The following PCDHA4 variants were observed in gnomAD, a reference collection of about 807,000 sequenced individuals.
PCDHA4 encodes protocadherin alpha-4.
Under a neutral mutation model 61.4 loss-of-function variants are expected in PCDHA4, and 49 were observed. The observed-to-expected ratio is 0.80, with a 90% CI of 0.63 to 1.01. PCDHA4 has a LOEUF of 1.01. PCDHA4 is among the 50% of genes least tolerant of loss of function. PCDHA4 has a pLI of 0.00. For missense variants in PCDHA4, 1,254 were observed against 1,235.8 expected, an observed-to-expected ratio of 1.01 and a Z score of -0.22; for synonymous variants, 590 against 550.3, an observed-to-expected ratio of 1.07 and a Z score of -1.01.
intron 1 of PCDHA4, among the ~76,000 whole-genome samples, chr5:140,899,497 T>G (rs2067365308): frequency 6.6e-6 from 1 of 152,254 alleles, no homozygotes; most frequent in South Asian, 2.1e-4. Context: ...TTACATTTAT[T>G]GATTTGCATA....
chr5:140,840,808 C>T (rs1554137908), intron 1 of PCDHA4, among the ~76,000 whole-genome samples: 1 of 151,970 alleles, frequency 6.6e-6, no homozygotes, highest in East Asian at 1.9e-4. Context: ...GTAATATATA[C>T]CAGTGTTTCT....
rs2150262609 is a variant in PCDHA4, at chr5:140,836,508, A to T, written c.2385+26936A>T. 6 of 1,613,710 alleles carry T rather than the reference A, an allele frequency of 3.7e-6. No individual in the cohort carries two copies. The African/African-American group carries it at 8.0e-5, about 22-fold the overall frequency. On this transcript the variant is annotated intron_variant, in intron 1 of 3. Transcript: ENST00000530339. ...GATCATCGCCATCTGCGCGGTGTCC[A>T]GTCTGTTGGTGCTTACCCTGCTGCT...
chr5:140,943,257 C>CAA lies in PCDHA4; in HGVS notation c.2386-35673_2386-35672dup, dbSNP rs1238620023. Reference sequence around the variant, plus strand: ...TGGGTCACAGAGTGAGACTCTGTCTCAAAAAAAAAAAAAAAAAAAAGAAAG... The same window carrying CAA: ...TGGGTCACAGAGTGAGACTCTGTCTCAAAAAAAAAAAAAAAAAAAAAAGAAAG... On this transcript the variant is annotated intron_variant, in intron 1 of 3. Transcript: ENST00000530339. Among the ~76,000 whole-genome samples the CAA allele has an allele frequency of 2.6e-3, 203 of 77,270 alleles. 1 individual carries two copies. Among genetic ancestry groups the CAA allele is most frequent in the African/African-American group, 9.8e-3 (185 of 18,826 alleles). The allele number at this position is 77,270 out of a possible 152,430, so 50.7% of individuals were successfully genotyped here. A position where few individuals can be genotyped will look rare whatever the true frequency, so the allele number is the denominator to read the frequency against.
At chr5:140,829,136 G>C in intron 1 of PCDHA4, 12 of 1,613,236 alleles carry the variant, frequency 7.4e-6, no homozygotes, top group Non-Finnish European at 1.0e-5. Context: ...TAACGTCCCT[G>C]AGATAGCACT....
At chr5:140,857,067 T>G (rs1245365064) in intron 1 of PCDHA4, 2 of 1,596,142 alleles carry the variant, frequency 1.3e-6, no homozygotes, top group East Asian at 2.2e-5. Context: ...GTGGAACTAC[T>G]GGATGAAAAT....
At chr5:140,946,948 T>C (rs1315606645) in intron 1 of PCDHA4, among the ~76,000 whole-genome samples, 2 of 151,534 alleles carry the variant, frequency 1.3e-5, no homozygotes, top group African/African-American at 4.8e-5. Context: ...TTAAGAATAA[T>C]GTATATTTCA....
chr5:140,828,786 T>C (rs2150158991), intron 1 of PCDHA4: 1 of 1,614,102 alleles, frequency 6.2e-7, no homozygotes, highest in Non-Finnish European at 8.5e-7. Context: ...CTGGTCACAG[T>C]GCTGGATGTG....
rs71583613 is a variant in PCDHA4 at position 141,001,265 on chromosome 5, T to G, written c.2534-8362T>G. 5.1e-4 allele frequency among the ~76,000 whole-genome samples: 78 copies of G among 152,286 alleles called. No individual in the cohort carries two copies. In the Middle Eastern group the frequency reaches 0.01, roughly 20 times the overall value. On this transcript the variant is annotated intron_variant, in intron 3 of 3. Transcript: ENST00000530339. ...CAACCCTATGGGGCGGGCACTCTTATGAACTTTTTTTACGGATGAAAACTG... is the reference window on the plus strand; with the variant it reads ...CAACCCTATGGGGCGGGCACTCTTAGGAACTTTTTTTACGGATGAAAACTG...
intron 1 of PCDHA4, chr5:140,843,614 C>A: frequency 6.3e-7 from 1 of 1,596,062 alleles, no homozygotes; most frequent in Non-Finnish European, 8.6e-7. Flanking sequence ...TGAGGGGCCA[C>A]CGAAGACGGA....
intron 1 of PCDHA4, chr5:140,882,379 G>A (rs782537158): frequency 1.9e-6 from 3 of 1,614,230 alleles, no homozygotes; most frequent in South Asian, 1.1e-5. Context: ...CCGTCCCCGA[G>A]GAAGCAAAAC....
At chr5:140,857,890 G>A in intron 1 of PCDHA4, 3 of 1,597,852 alleles carry the variant, frequency 1.9e-6, no homozygotes, top group Non-Finnish European at 2.6e-6. Context: ...AGTCGGCGGC[G>A]GTTGGTGCAC....
At chr5:140,913,299 T>A (rs2076283233) in intron 1 of PCDHA4, among the ~76,000 whole-genome samples, 1 of 152,196 alleles carries the variant, frequency 6.6e-6, no homozygotes, top group South Asian at 2.1e-4. Context: ...AATTTCTTCA[T>A]AGATCAACCT....
chr5:140,939,798 C>A (rs2092461303), intron 1 of PCDHA4, among the ~76,000 whole-genome samples: 1 of 152,138 alleles, frequency 6.6e-6, no homozygotes, highest in African/African-American at 2.4e-5. Flanking sequence ...TATAAATGTT[C>A]TGCATGTTCA....
In PCDHA4 at chr5:140,943,486, T is replaced by C. The variant is rs573341102; in HGVS notation, c.2386-35463T>C. Among the ~76,000 whole-genome samples the C allele has an allele frequency of 2.6e-5, 4 of 152,178 alleles. No homozygotes were observed. The South Asian group carries it at 8.3e-4, about 32-fold the overall frequency. Reference sequence around the variant, plus strand: ...GTGGGAGATACAGTAAAATAATAAATAGATGCTATCAAGGTTCATGGAAAT... The same window carrying C: ...GTGGGAGATACAGTAAAATAATAAACAGATGCTATCAAGGTTCATGGAAAT... On this transcript the variant is annotated intron_variant, in intron 1 of 3. Coordinates refer to ENST00000530339, the MANE Select transcript of PCDHA4 (RefSeq NM_018907.4).
chr5:140,939,501 G>A (rs1270789150), intron 1 of PCDHA4, among the ~76,000 whole-genome samples: 1 of 150,708 alleles, frequency 6.6e-6, no homozygotes. Context: ...TAAATTCAAT[G>A]TCTATAACAT....
At chr5:141,001,811 C>T (rs1200900455) in intron 3 of PCDHA4, among the ~76,000 whole-genome samples, 1 of 152,128 alleles carries the variant, frequency 6.6e-6, no homozygotes, top group Non-Finnish European at 1.5e-5. Flanking sequence ...ATTCTACAAT[C>T]GGCCAAATTC....
intron 1 of PCDHA4, chr5:140,870,703 G>A (rs899824906): frequency 1.2e-6 from 2 of 1,612,916 alleles, no homozygotes; most frequent in East Asian, 2.2e-5. Context: ...ACAGTTCCAG[G>A]TGAGCGCGCG....
intron 1 of PCDHA4, among the ~76,000 whole-genome samples, chr5:140,973,558 T>C (rs1427190876): frequency 6.6e-6 from 1 of 152,238 alleles, no homozygotes; most frequent in Admixed American, 6.5e-5. Flanking sequence ...AATTACCTCT[T>C]TCCTCAATTT....
chr5:140,930,925 G>T (rs1271801364), intron 1 of PCDHA4, among the ~76,000 whole-genome samples: 7 of 152,158 alleles, frequency 4.6e-5, no homozygotes, highest in Admixed American at 4.6e-4. Flanking sequence ...ATGTGTATAT[G>T]TGGTTAACAG....
Sources: gnomAD v4.1 joint callset for allele counts (sites outside exome capture counted in the v4.1 genomes callset) on GRCh38, gnomAD v4.1.1 for gene constraint, MANE v1.5 for transcripts, NCBI Gene and HGNC (gene_info 2026-07-23, HGNC 2026-07-21) for gene names.